FOXP1: variants seen among roughly 807,000 people sequenced by gnomAD.
FOXP1 encodes the protein forkhead box protein P1.
In FOXP1, 15 loss-of-function variants were observed where a neutral mutation model predicts 98.2. The observed-to-expected ratio is 0.15, with a 90% CI of 0.10 to 0.24. The LOEUF is 0.24. FOXP1 is among the 10% of genes least tolerant of loss of function. The probability of loss-of-function intolerance (pLI) is 1.00; values close to 1 mark genes in which losing one functional copy is unlikely to be tolerated. For synonymous variants in FOXP1, 371 were observed against 314.5 expected, an observed-to-expected ratio of 1.18 and a Z score of -1.90; for missense variants, 633 against 848.5, an observed-to-expected ratio of 0.75 and a Z score of 3.15.
chr3:71,448,248 A>T (rs1285872484), intron 3 of FOXP1, among the ~76,000 whole-genome samples: 1 of 152,112 alleles, frequency 6.6e-6, no homozygotes, highest in Non-Finnish European at 1.5e-5. Flanking sequence ...TTCCCCTTAC[A>T]CACACCTCTC....
At chr3:71,556,809 C>G in intron 2 of FOXP1, among the ~76,000 whole-genome samples, 1 of 151,832 alleles carries the variant, frequency 6.6e-6, no homozygotes, top group South Asian at 2.1e-4. Flanking sequence ...CTAAGAAAAT[C>G]ATCAGAGATG....
chr3:71,193,043 TC>T (rs1169657256), intron 6 of FOXP1, among the ~76,000 whole-genome samples: 1 of 152,222 alleles, frequency 6.6e-6, no homozygotes, highest in Non-Finnish European at 1.5e-5. Flanking sequence ...AAATACCATT[TC>T]CCATGTTCAG....
intron 14 of FOXP1, among the ~76,000 whole-genome samples, chr3:70,983,803 C>T (rs1339234455): frequency 2.6e-5 from 4 of 152,096 alleles, no homozygotes; most frequent in South Asian, 2.1e-4. Context: ...TTTAAGAAAT[C>T]CGTAGTAATT....
At chr3:71,531,992 C>T (rs1461485589) in intron 2 of FOXP1, among the ~76,000 whole-genome samples, 2 of 152,232 alleles carry the variant, frequency 1.3e-5, no homozygotes. Context: ...ATTCCTTTTA[C>T]TTATTTCAAT....
intron 5 of FOXP1, among the ~76,000 whole-genome samples, chr3:71,240,993 G>A (rs1382146924): frequency 2.0e-5 from 3 of 151,310 alleles, no homozygotes; most frequent in African/African-American, 7.3e-5. Flanking sequence ...GGCGGATCAC[G>A]AGGTCAGGAG....
chr3:71,150,672 A>G (rs1191968758), intron 6 of FOXP1, among the ~76,000 whole-genome samples: 1 of 152,186 alleles, frequency 6.6e-6, no homozygotes, highest in African/African-American at 2.4e-5. Context: ...GTTAAAAAAA[A>G]GCACTCTAAT....
intron 2 of FOXP1, among the ~76,000 whole-genome samples, chr3:71,505,868 T>A (rs969614203): frequency 6.6e-6 from 1 of 152,198 alleles, no homozygotes; most frequent in Non-Finnish European, 1.5e-5. Flanking sequence ...GTCTAAAGGA[T>A]GAGATTATCA....
At chr3:71,245,508 T>C (rs1448699486) in intron 5 of FOXP1, 1 of 152,156 alleles carries the variant, frequency 6.6e-6, no homozygotes, top group African/African-American at 2.4e-5. Context: ...GTTTAATCAT[T>C]AAAAGGGATG....
At chr3:71,001,603 G>A (rs149437384) in intron 12 of FOXP1, among the ~76,000 whole-genome samples, 265 of 152,250 alleles carry the variant, frequency 1.7e-3, no homozygotes, top group African/African-American at 6.2e-3. Flanking sequence ...GGGGGTGGGG[G>A]AGAGAAATGC....
intron 20 of FOXP1, among the ~76,000 whole-genome samples, chr3:70,962,043 G>T (rs1221357787): frequency 6.6e-6 from 1 of 152,184 alleles, no homozygotes; most frequent in Admixed American, 6.5e-5. Context: ...TGCTGATGAT[G>T]ATTCCTTTAA....
intron 5 of FOXP1, among the ~76,000 whole-genome samples, chr3:71,243,401 C>T (rs1000871957): frequency 3.3e-5 from 5 of 152,134 alleles, no homozygotes; most frequent in Admixed American, 3.3e-4. Context: ...ACAGTCATAA[C>T]GTAAAATAAA....
chr3:71,001,529 A>G (rs1176206272), intron 12 of FOXP1, among the ~76,000 whole-genome samples: 1 of 152,168 alleles, frequency 6.6e-6, no homozygotes, highest in Non-Finnish European at 1.5e-5. Flanking sequence ...AGGGTAGAAA[A>G]GCAACTTTAA....
chr3:70,957,936 C>T lies in FOXP1; in HGVS notation c.*1311G>A. The T allele has an allele frequency of 4.1e-6, 1 of 244,798 alleles. No individual in the cohort carries two copies. The highest frequency in any genetic ancestry group is 5.9e-5 in the East Asian group (1 of 17,072). The allele number at this position is 244,798 out of a possible 1,614,324, so 15.2% of individuals were successfully genotyped here. On this transcript the variant is annotated 3_prime_UTR_variant, in exon 21 of 21. Coordinates refer to ENST00000649528, the MANE Select transcript of FOXP1 (RefSeq NM_001349338.3). ...AAGTAGGTCTGAACTAATGTATAAA[C>T]TCAGCGCCGCCGCCGCCACCCCTAC...
rs142661368 is a variant in FOXP1 at position 71,267,124 on chromosome 3, A to AGAGAGAGT, written c.-12+32695_-12+32696insACTCTCTC. On this transcript the variant is annotated intron_variant, in intron 5 of 20. Transcript: ENST00000649528. Reference sequence around the variant, plus strand: ...TATCACGCTGCATTTTATGGGAGAGAGTGTGTGTGTGTGTGTGTGTGTGTG... The same window carrying AGAGAGAGT: ...TATCACGCTGCATTTTATGGGAGAGAGAGAGAGTGTGTGTGTGTGTGTGTGTGTGTGTG... Among the ~76,000 whole-genome samples, 405 of 148,406 alleles carry AGAGAGAGT rather than the reference A, an allele frequency of 2.7e-3. 3 individuals carry two copies. The highest frequency in any genetic ancestry group is 9.3e-3 in the African/African-American group (374 of 40,324).
intron 5 of FOXP1, among the ~76,000 whole-genome samples, chr3:71,220,593 CA>C (rs200172183): frequency 7.4e-5 from 11 of 147,684 alleles, no homozygotes; most frequent in Admixed American, 2.0e-4. Flanking sequence ...ATCAAAAATA[CA>C]AAAAAAAAAT....
At chr3:71,167,139 G>A (rs971584463) in intron 6 of FOXP1, among the ~76,000 whole-genome samples, 3 of 152,010 alleles carry the variant, frequency 2.0e-5, no homozygotes, top group African/African-American at 4.8e-5. Flanking sequence ...AGCAATCTCA[G>A]ATGAAGATGT....
At chr3:70,987,064 T>C (rs962940990) in intron 14 of FOXP1, among the ~76,000 whole-genome samples, 3 of 152,250 alleles carry the variant, frequency 2.0e-5, no homozygotes, top group African/African-American at 4.8e-5. Context: ...GTACTAACTA[T>C]AGATTGTCAA....
chr3:71,568,166 T>C (rs980326425), intron 2 of FOXP1, among the ~76,000 whole-genome samples: 2 of 152,032 alleles, frequency 1.3e-5, no homozygotes, highest in Admixed American at 6.5e-5. Context: ...TCATGGGACC[T>C]TGCAGAAGGC....
intron 2 of FOXP1, among the ~76,000 whole-genome samples, chr3:71,503,017 A>G (rs1445884833): frequency 2.0e-5 from 3 of 152,084 alleles, no homozygotes; most frequent in Non-Finnish European, 4.4e-5. Context: ...CTCTAATGTA[A>G]AACTGAAAAG....
Sources: allele counts gnomAD v4.1 joint callset (sites outside exome capture counted in the v4.1 genomes callset), GRCh38; gene constraint gnomAD v4.1.1; transcripts MANE v1.5; gene names NCBI Gene and HGNC (gene_info 2026-07-23, HGNC 2026-07-21).